Variants in SLC6A11 observed in about 807,000 individuals in gnomAD.
SLC6A11 encodes sodium- and chloride-dependent GABA transporter 3.
In SLC6A11, 25 loss-of-function variants were observed where a neutral mutation model predicts 74.8. That is an observed-to-expected ratio of 0.33 (90% CI 0.24 to 0.47). The LOEUF (loss-of-function observed/expected upper bound fraction) is 0.47. Ranked by LOEUF, SLC6A11 falls within the 20% of genes least tolerant of loss-of-function variation. The pLI, the probability that SLC6A11 is intolerant of heterozygous loss-of-function variation, is 1.00. For missense variants in SLC6A11, 574 were observed against 837.0 expected (o/e 0.69, Z 3.88); for synonymous variants, 330 against 330.2 (o/e 1.00, Z 0.01).
chr3:10,855,455 T>C (rs2106591683), intron 5 of SLC6A11, among the ~76,000 whole-genome samples: 1 of 152,244 alleles, frequency 6.6e-6, no homozygotes, highest in African/African-American at 2.4e-5. Flanking sequence ...TTCCCTGACT[T>C]CTCCCACCCT....
At chr3:10,835,334 G>A (rs1467583437) in intron 4 of SLC6A11, among the ~76,000 whole-genome samples, 1 of 152,198 alleles carries the variant, frequency 6.6e-6, no homozygotes, top group Non-Finnish European at 1.5e-5. Context: ...GGTGGGGGAG[G>A]CCCTTCCCAC....
At chr3:10,833,926 A>G (rs1275313010) in intron 4 of SLC6A11, among the ~76,000 whole-genome samples, 3 of 152,218 alleles carry the variant, frequency 2.0e-5, no homozygotes, top group Non-Finnish European at 2.9e-5. Context: ...GAACTGCAAG[A>G]GTTTTGTCTG....
rs199692189 is a variant in SLC6A11, at chr3:10,900,743, A to G, written c.892-11347A>G. ...CATCCTAACTGCTTGCTCAGCTGACACAAAAGAACCTGCCTGATCAGGCTG... is the reference window on the plus strand; with the variant it reads ...CATCCTAACTGCTTGCTCAGCTGACGCAAAAGAACCTGCCTGATCAGGCTG... On this transcript the variant is annotated intron_variant, in intron 6 of 13. Coordinates refer to ENST00000254488, the MANE Select transcript of SLC6A11 (RefSeq NM_014229.3). 1.4e-4 allele frequency among the ~76,000 whole-genome samples: 22 copies of G among 152,302 alleles called. No homozygotes were observed. In the East Asian group the frequency reaches 2.1e-3, roughly 15 times the overall value.
rs755212102 is a variant in SLC6A11, at chr3:10,816,375, G to T, written c.110G>T (p.Arg37Leu). 3.4e-5 allele frequency: 51 copies of T among 1,485,954 alleles called. No homozygotes were observed. The highest frequency in any genetic ancestry group is 4.5e-5 in the Non-Finnish European group (50 of 1,119,098). 92.0% of individuals were successfully genotyped at this position (1,485,954 alleles called of 1,614,324 possible). A position where few individuals can be genotyped will look rare whatever the true frequency, so the allele number is the denominator to read the frequency against. Residue 37 changes from arginine (R) to leucine (L), a missense_variant, in exon 1 of 14, where the codon CGC (arginine) becomes CTC (leucine). Physicochemically the swap from Arg to Leu is moderately radical, Grantham distance 102. Coordinates refer to ENST00000254488, the MANE Select transcript of SLC6A11 (RefSeq NM_014229.3). This position sits in a 1 kb window ranked among gnomAD's most constrained non-coding sequence, Gnocchi z 4.2. ...AGCAGCGGGGGCGCGGCGCCCGCGC[G>T]CCACCCGCGCGTCAAGCGCGACAAG... ...GCSSGGAAPARHPRVKRDKAV... is the reference protein window; with the variant it reads ...GCSSGGAAPALHPRVKRDKAV...
rs1324670266 is a variant in SLC6A11, at chr3:10,927,551, G to A, written c.1233+1435G>A. 5.3e-5 allele frequency among the ~76,000 whole-genome samples: 8 copies of A among 152,336 alleles called. No individual in the cohort carries two copies. In the East Asian group the frequency reaches 1.2e-3, roughly 22 times the overall value. ...CTTGCTCGGTCGTGTACCCGGGCCC[G>A]TCTGCCTCTTGGCCTACACACTGCA... On this transcript the variant is annotated intron_variant, in intron 9 of 13. Transcript: ENST00000254488.
intron 4 of SLC6A11, among the ~76,000 whole-genome samples, chr3:10,834,456 G>A (rs1694340562): frequency 6.6e-6 from 1 of 151,872 alleles, no homozygotes; most frequent in South Asian, 2.1e-4. Flanking sequence ...TCAGCATCCA[G>A]CAACAACAAT....
intron 5 of SLC6A11, among the ~76,000 whole-genome samples, chr3:10,873,991 CGCTATGCTAT>C (rs879605613): frequency 8.1e-5 from 11 of 136,470 alleles, no homozygotes; most frequent in East Asian, 2.4e-4. Flanking sequence ...CGCTACGCTA[CGCTATGCTAT>C]GCTATGCTAT....
chr3:10,862,945 A>G (rs917130752), intron 5 of SLC6A11, among the ~76,000 whole-genome samples: 7 of 152,258 alleles, frequency 4.6e-5, no homozygotes, highest in Non-Finnish European at 7.3e-5. Context: ...ATGGAATTCA[A>G]CTGCGAGTAT....
At chr3:10,839,379 C>G (rs569623537) in intron 4 of SLC6A11, among the ~76,000 whole-genome samples, 1 of 152,302 alleles carries the variant, frequency 6.6e-6, no homozygotes, top group South Asian at 2.1e-4. Flanking sequence ...CTGACCTCCC[C>G]ACTCCTGGTC....
intron 5 of SLC6A11, among the ~76,000 whole-genome samples, chr3:10,855,579 T>C (rs1034758758): frequency 6.6e-6 from 1 of 152,170 alleles, no homozygotes; most frequent in Non-Finnish European, 1.5e-5. Context: ...TCCAGGGAGA[T>C]TTCTTACTCC....
At chr3:10,935,522 G>A in intron 13 of SLC6A11, 1 of 267,176 alleles carries the variant, frequency 3.7e-6, no homozygotes, top group Non-Finnish European at 7.2e-6. Context: ...ACCTGGACCA[G>A]AGGGTAACAA....
chr3:10,848,529 C>T (rs965801871), intron 5 of SLC6A11, among the ~76,000 whole-genome samples: 1 of 152,212 alleles, frequency 6.6e-6, no homozygotes, highest in African/African-American at 2.4e-5. Flanking sequence ...GAGGGAGATT[C>T]CCTACACCCC....
chr3:10,872,144 T>A lies in SLC6A11; in HGVS notation c.757-2817T>A, dbSNP rs552926936. ...CAGATTGCATACATAGGTAGCCTGG[T>A]GGTTGAATGTGTGACCCTGGAGTCA... On this transcript the variant is annotated intron_variant, in intron 5 of 13. Coordinates refer to ENST00000254488, the MANE Select transcript of SLC6A11 (RefSeq NM_014229.3). Among the ~76,000 whole-genome samples the A allele has an allele frequency of 4.3e-3, 662 of 152,306 alleles. 4 individuals are homozygous for A. Among genetic ancestry groups the A allele is most frequent in the African/African-American group, 0.015 (626 of 41,564 alleles).
chr3:10,901,157 A>G (rs1035249759), intron 6 of SLC6A11, among the ~76,000 whole-genome samples: 1 of 152,204 alleles, frequency 6.6e-6, no homozygotes, highest in African/African-American at 2.4e-5. Flanking sequence ...GCTTGGGGCT[A>G]GGAATTGCCG....
intron 6 of SLC6A11, among the ~76,000 whole-genome samples, chr3:10,895,816 A>G (rs1229080860): frequency 6.6e-6 from 1 of 151,654 alleles, no homozygotes; most frequent in African/African-American, 2.4e-5. Context: ...ATAAATAGCT[A>G]ATGCATGTGG....
chr3:10,938,569 C>G lies in SLC6A11; in HGVS notation c.*167C>G, dbSNP rs1695786350. 8 of 545,532 alleles carry G rather than the reference C, an allele frequency of 1.5e-5. No individual in the cohort carries two copies. The highest frequency in any genetic ancestry group is 2.2e-5 in the Non-Finnish European group (7 of 320,392). The allele number at this position is 545,532 out of a possible 1,614,324, so 33.8% of individuals were successfully genotyped here. A position where few individuals can be genotyped will look rare whatever the true frequency, so the allele number is the denominator to read the frequency against. On this transcript the variant is annotated 3_prime_UTR_variant, in exon 14 of 14. Transcript: ENST00000254488. ...ACTGTACACTGCTCTAAAGTCATAT[C>G]CCCTCCCCGCCCCCAGTCATCATGG...
In SLC6A11 at chr3:10,938,524, A is replaced by T; in HGVS notation, c.*122A>T. The T allele has an allele frequency of 5.5e-6, 6 of 1,083,764 alleles. No individual in the cohort carries two copies. Among genetic ancestry groups the T allele is most frequent in the Non-Finnish European group, 7.8e-6 (6 of 772,514 alleles). The allele number at this position is 1,083,764 out of a possible 1,614,324, so 67.1% of individuals were successfully genotyped here. ...CTTGTTTTGCACAGGATTAATTAAC[A>T]AGTTAATTTTAAGGTGGCCACTGTA... On this transcript the variant is annotated 3_prime_UTR_variant, in exon 14 of 14. Coordinates refer to ENST00000254488, the MANE Select transcript of SLC6A11 (RefSeq NM_014229.3).
In SLC6A11 at chr3:10,939,430, A is replaced by AGCAGCCATCTATTCTT. The variant is rs1158774335; in HGVS notation, c.*1039_*1054dup. ...TGGGGACTGATTTTCTGGGTGGGGA[A>AGCAGCCATCTATTCTT]GCAGCCATCTATTCTTGCAGCCATC... On this transcript the variant is annotated 3_prime_UTR_variant, in exon 14 of 14. Transcript: ENST00000254488. 6.6e-6 allele frequency: 1 copy of AGCAGCCATCTATTCTT among 152,446 alleles called. No homozygotes were observed. Among genetic ancestry groups the AGCAGCCATCTATTCTT allele is most frequent in the African/African-American group, 2.4e-5 (1 of 41,428 alleles). 9.4% of individuals were successfully genotyped at this position (152,446 alleles called of 1,614,324 possible).
At chr3:10,924,185 G>A (rs76366299) in intron 8 of SLC6A11, among the ~76,000 whole-genome samples, 18 of 152,140 alleles carry the variant, frequency 1.2e-4, no homozygotes, top group South Asian at 6.2e-4. Flanking sequence ...GCTCTGTGGC[G>A]TAATTAATGG....
Sources: gnomAD v4.1 joint callset for allele counts (sites outside exome capture counted in the v4.1 genomes callset) on GRCh38, gnomAD v4.1.1 for gene constraint, Gnocchi (gnomAD v3.1) non-coding constraint, MANE v1.5 for transcripts, NCBI Gene and HGNC (gene_info 2026-07-23, HGNC 2026-07-21) for gene names.